MCF2L: variants seen among roughly 807,000 people sequenced by gnomAD.
MCF2L encodes MCF.2 cell line derived transforming sequence like, also known as guanine nucleotide exchange factor DBS.
MCF2L carries 97 observed loss-of-function variants against 153.4 expected under a neutral mutation model. The observed-to-expected ratio is 0.63, with a 90% confidence interval of 0.54 to 0.75. The LOEUF (loss-of-function observed/expected upper bound fraction) is 0.75. Ranked by LOEUF, MCF2L falls within the 30% of genes least tolerant of loss-of-function variation. The pLI is 0.00. For synonymous variants in MCF2L, 659 were observed against 632.2 expected (o/e 1.04, Z -0.64); for missense variants, 1,347 against 1,495.2 (o/e 0.90, Z 1.64).
At chr13:113,033,556 G>A (rs546385021) in intron 3 of MCF2L, among the ~76,000 whole-genome samples, 99 of 152,306 alleles carry the variant, frequency 6.5e-4, no homozygotes, top group Non-Finnish European at 1.2e-3. Flanking sequence ...GCTGTAAAGG[G>A]TCGCCCCGCC....
At chr13:113,048,694 G>A (rs1209639620) in intron 4 of MCF2L, among the ~76,000 whole-genome samples, 3 of 152,048 alleles carry the variant, frequency 2.0e-5, no homozygotes, top group South Asian at 2.1e-4. Flanking sequence ...CGCCTGCCTC[G>A]GCCTCCCAAA....
intron 2 of MCF2L, among the ~76,000 whole-genome samples, chr13:113,019,641 C>T (rs2084754882): frequency 6.6e-6 from 1 of 152,216 alleles, no homozygotes; most frequent in African/African-American, 2.4e-5. Context: ...TCACGACATC[C>T]AACCAGTTGC....
chr13:112,938,737 GT>G (rs1289197555), intron 2 of MCF2L, among the ~76,000 whole-genome samples: 1 of 152,204 alleles, frequency 6.6e-6, no homozygotes, highest in Non-Finnish European at 1.5e-5. Flanking sequence ...AACAATCAAA[GT>G]TTTGGCGCTA....
intron 2 of MCF2L, among the ~76,000 whole-genome samples, chr13:112,912,334 T>G (rs926170118): frequency 2.0e-5 from 3 of 151,530 alleles, no homozygotes; most frequent in Admixed American, 6.6e-5. Flanking sequence ...TTTTTTTTTT[T>G]AGATAGAGCC....
At chr13:113,047,910 C>G (rs1416513283) in intron 4 of MCF2L, among the ~76,000 whole-genome samples, 1 of 152,030 alleles carries the variant, frequency 6.6e-6, no homozygotes, top group African/African-American at 2.4e-5. Flanking sequence ...GTGCCCCGGC[C>G]CCTCCGCTGA....
At chr13:112,957,851 T>C (rs2081777634) in intron 2 of MCF2L, 2 of 113,542 alleles carry the variant, frequency 1.8e-5, no homozygotes, top group South Asian at 7.7e-4. Flanking sequence ...GAATAATGCT[T>C]TGAGCAACTC....
chr13:113,092,916 C>T (rs1024009126), intron 26 of MCF2L, among the ~76,000 whole-genome samples: 18 of 152,374 alleles, frequency 1.2e-4, no homozygotes, highest in African/African-American at 4.1e-4. Context: ...GGCAGAGTCG[C>T]TTGGGTTTCA....
At position 113,094,524 on chromosome 13, in the gene MCF2L, A is replaced by C; in HGVS notation, c.2964A>C (p.Lys988Asn). The change falls in exon 27 of 30, where the codon AAA (lysine) becomes AAC (asparagine). Residue 988 changes from lysine to asparagine, a missense_variant. Physicochemically the swap from Lys to Asn is moderately conservative, Grantham distance 94. Coordinates refer to ENST00000535094, the MANE Select transcript of MCF2L (RefSeq NM_001112732.3). ...KPPEKGKGWS[K>N]TSHSLEAPED... ...GTCTGTCTCTCTTAGGTTGGAGCAA[A>C]ACGTCCCACTCACTGGAGGCACCTG... 6.2e-7 allele frequency: 1 copy of C among 1,611,492 alleles called. No homozygotes were observed. Among genetic ancestry groups the C allele is most frequent in the Non-Finnish European group, 8.5e-7 (1 of 1,179,240 alleles).
At chr13:113,087,841 C>T (rs557870587) in intron 23 of MCF2L, 42 bp downstream of exon 23, 18 of 1,523,230 alleles carry the variant, frequency 1.2e-5, no homozygotes, top group Admixed American at 5.0e-5. Flanking sequence ...CACATTGCCA[C>T]GAATGGTTTC....
upstream of MCF2L, chr13:112,968,600 G>A: frequency 1.3e-6 from 2 of 1,534,774 alleles, no homozygotes; most frequent in Non-Finnish European, 1.7e-6. Context: ...TGGACCCAGC[G>A]ACCCACGGAC....
intron 4 of MCF2L, among the ~76,000 whole-genome samples, chr13:113,060,184 G>A (rs1594881694): frequency 6.6e-6 from 1 of 152,210 alleles, no homozygotes; most frequent in Non-Finnish European, 1.5e-5. Context: ...ACGCGGTGCT[G>A]GGATCAGGGC....
chr13:112,998,623 G>A (rs1329406850), intron 1 of MCF2L, among the ~76,000 whole-genome samples: 1 of 152,234 alleles, frequency 6.6e-6, no homozygotes, highest in Non-Finnish European at 1.5e-5. Context: ...GGGAACGGCT[G>A]TGTGTCTGGC....
rs1330121109 is a variant in MCF2L at position 113,035,462 on chromosome 13, C to T, written c.279-9809C>T. On this transcript the variant is annotated intron_variant, in intron 3 of 29. Transcript: ENST00000535094. This position sits in a 1 kb window ranked among gnomAD's most constrained non-coding sequence, Gnocchi z 4.4. Reference sequence around the variant, plus strand: ...CACCCGGCTCTGCAGTCTGTTTTGCCGTTTTCCGCCTCAAACCCCCTCTGC... The same window carrying T: ...CACCCGGCTCTGCAGTCTGTTTTGCTGTTTTCCGCCTCAAACCCCCTCTGC... 7.2e-5 allele frequency among the ~76,000 whole-genome samples: 11 copies of T among 152,196 alleles called. No homozygotes were observed. The highest frequency in any genetic ancestry group is 5.2e-4 in the Admixed American group (8 of 15,286).
chr13:113,088,581 G>A lies in MCF2L; in HGVS notation c.2787G>A (p.Ala929=), dbSNP rs375138776. ...QACREASQHR[A]LEQSQSLPLP... The stretch of plus-strand genomic sequence containing the variant: ...TCGCAGAAGCCAGCCAGCACCGGGC[G>A]CTGGAGCAGTCACAGAGCCTGCCCC... Residue 929 remains alanine (A), a synonymous_variant, in exon 25 of 30, where the codon GCG becomes GCA. Coordinates refer to ENST00000535094, the MANE Select transcript of MCF2L (RefSeq NM_001112732.3). 3.3e-5 allele frequency: 53 copies of A among 1,610,372 alleles called. No individual in the cohort carries two copies. The South Asian group carries it at 3.4e-4, about 10-fold the overall frequency.
chr13:112,913,374 C>T (rs1228229867), intron 2 of MCF2L, among the ~76,000 whole-genome samples: 2 of 152,044 alleles, frequency 1.3e-5, no homozygotes, highest in Admixed American at 1.3e-4. Context: ...CATTATCACT[C>T]ACCTCACCTG....
At chr13:113,023,884 A>T (rs568847654) in intron 2 of MCF2L, among the ~76,000 whole-genome samples, 2 of 152,346 alleles carry the variant, frequency 1.3e-5, no homozygotes, top group East Asian at 3.9e-4. Flanking sequence ...GAGCAGGTGG[A>T]TGCAGGGTCG....
rs1364349611 is a variant in MCF2L, at chr13:112,932,662, A to T, written c.169+30291A>T. On this transcript the variant is annotated intron_variant, in intron 2 of 29. Coordinates refer to the MCF2L transcript ENST00000375608. This position sits in a 1 kb window ranked among gnomAD's most constrained non-coding sequence, Gnocchi z 4.6. ...TAAACAAAGCTAAACAAAGTTACTT[A>T]AAAAAGAAGCATCTCAGTACCGTCA... Among the ~76,000 whole-genome samples, 1 of 152,220 alleles carries T rather than the reference A, an allele frequency of 6.6e-6. No homozygotes were observed. Among genetic ancestry groups the T allele is most frequent in the Non-Finnish European group, 1.5e-5 (1 of 68,046 alleles).
chr13:113,006,258 A>G (rs779238925), intron 1 of MCF2L, among the ~76,000 whole-genome samples: 1 of 152,216 alleles, frequency 6.6e-6, no homozygotes, highest in South Asian at 2.1e-4. Flanking sequence ...GCGTGGGCTC[A>G]GTCCTGGCAC....
chr13:113,039,236 T>G (rs1452263958), intron 3 of MCF2L, among the ~76,000 whole-genome samples: 1 of 152,162 alleles, frequency 6.6e-6, no homozygotes, highest in Non-Finnish European at 1.5e-5. Flanking sequence ...GAGGAGTGGA[T>G]GTGATTGGCT....
Sources: allele counts gnomAD v4.1 joint callset (sites outside exome capture counted in the v4.1 genomes callset), GRCh38; gene constraint gnomAD v4.1.1; non-coding constraint Gnocchi (gnomAD v3.1); transcripts MANE v1.5; gene names NCBI Gene and HGNC (gene_info 2026-07-23, HGNC 2026-07-21).